The following ZNF892 variants were observed in gnomAD, a reference collection of about 807,000 sequenced individuals.
ZNF892 encodes zinc finger protein 892, also known as zinc finger protein 570-like.
At chr2:95,209,109 C>G in the ZNF892 span, among the ~76,000 whole-genome samples, 8 of 152,026 alleles carry the variant, frequency 5.3e-5, no homozygotes, top group African/African-American at 1.9e-4. Flanking sequence ...TTGGTCCAGA[C>G]AAGTCATGAA....
the ZNF892 span, among the ~76,000 whole-genome samples, chr2:95,263,208 T>C: frequency 6.6e-6 from 1 of 152,178 alleles, no homozygotes; most frequent in Non-Finnish European, 1.5e-5. Context: ...GATGCACCCA[T>C]GGCTAACAGC....
the ZNF892 span, among the ~76,000 whole-genome samples, chr2:95,260,299 C>T: frequency 6.6e-6 from 1 of 152,154 alleles, no homozygotes; most frequent in South Asian, 2.1e-4. Flanking sequence ...GACCTTCTGT[C>T]CCTTCCTGGG....
At chr2:95,263,015 A>G in the ZNF892 span, among the ~76,000 whole-genome samples, 2 of 152,226 alleles carry the variant, frequency 1.3e-5, no homozygotes, top group African/African-American at 4.8e-5. Flanking sequence ...TGCAGATGTA[A>G]TTATGGTTAC....
At chr2:95,234,198 A>G in the ZNF892 span, among the ~76,000 whole-genome samples, 1 of 152,180 alleles carries the variant, frequency 6.6e-6, no homozygotes, top group African/African-American at 2.4e-5. Context: ...AGGTGGGAGT[A>G]GGTGTCCATT....
the ZNF892 span, chr2:95,215,609 A>C: frequency 1.3e-4 from 53 of 400,120 alleles, no homozygotes; most frequent in East Asian, 1.8e-3. Flanking sequence ...GATAAAGACT[A>C]TGTAAATGTG....
chr2:95,254,480 T>C, the ZNF892 span, among the ~76,000 whole-genome samples: 1 of 152,230 alleles, frequency 6.6e-6, no homozygotes, highest in African/African-American at 2.4e-5. Flanking sequence ...GGATTCAGTT[T>C]GCCAGTATTT....
the ZNF892 span, among the ~76,000 whole-genome samples, chr2:95,207,153 G>A: frequency 6.6e-6 from 1 of 152,228 alleles, no homozygotes; most frequent in Non-Finnish European, 1.5e-5. Flanking sequence ...ACGAAGGGCC[G>A]ATGCATGGAG....
At chr2:95,211,783 C>T in the ZNF892 span, 2 of 398,200 alleles carry the variant, frequency 5.0e-6, no homozygotes, top group Admixed American at 8.8e-5. Context: ...CTCCTCAGTT[C>T]CTAGGAGCTC....
At chr2:95,240,185 G>T in the ZNF892 span, among the ~76,000 whole-genome samples, 1 of 152,072 alleles carries the variant, frequency 6.6e-6, no homozygotes, top group South Asian at 2.1e-4. Context: ...GTTAGAAGCA[G>T]CTGCGGTTTG....
At chr2:95,260,224 C>T in the ZNF892 span, among the ~76,000 whole-genome samples, 3 of 152,362 alleles carry the variant, frequency 2.0e-5, no homozygotes, top group East Asian at 3.9e-4. Flanking sequence ...TTCATTTCTG[C>T]ATCTGTACTC....
the ZNF892 span, among the ~76,000 whole-genome samples, chr2:95,245,205 A>C: frequency 6.6e-6 from 1 of 151,870 alleles, no homozygotes; most frequent in Non-Finnish European, 1.5e-5. Flanking sequence ...GGAGAAAGAG[A>C]CATGAAAAAG....
At chr2:95,213,896 C>A in the ZNF892 span, among the ~76,000 whole-genome samples, 4 of 152,102 alleles carry the variant, frequency 2.6e-5, no homozygotes, top group Non-Finnish European at 4.4e-5. Context: ...GATGGTCATT[C>A]TTGAGGCATG....
At chr2:95,229,387 A>T in the ZNF892 span, among the ~76,000 whole-genome samples, 1 of 152,104 alleles carries the variant, frequency 6.6e-6, no homozygotes, top group Non-Finnish European at 1.5e-5. Context: ...GACCCTTTTC[A>T]TTCTGCTGGA....
At chr2:95,214,153 CT>C in the ZNF892 span, among the ~76,000 whole-genome samples, 1 of 152,006 alleles carries the variant, frequency 6.6e-6, no homozygotes, top group African/African-American at 2.4e-5. Flanking sequence ...GTCCAGTCAT[CT>C]TTTTTTTCTT....
chr2:95,249,229 ATATTTT>A, the ZNF892 span, among the ~76,000 whole-genome samples: 9 of 70,618 alleles, frequency 1.3e-4, no homozygotes, highest in African/African-American at 3.0e-4. Context: ...ATATATATAT[ATATTTT>A]TTTTTTTTTT....
chr2:95,243,340 C>T, the ZNF892 span, among the ~76,000 whole-genome samples: 1 of 151,660 alleles, frequency 6.6e-6, no homozygotes, highest in South Asian at 2.1e-4. Flanking sequence ...GCCCCTCTGC[C>T]TGGCTGCCCA....
chr2:95,258,794 A>G, the ZNF892 span, among the ~76,000 whole-genome samples: 1 of 152,230 alleles, frequency 6.6e-6, no homozygotes, highest in South Asian at 2.1e-4. Flanking sequence ...CATCCTCATC[A>G]CCAGAAACTG....
At chr2:95,211,342 T>C in the ZNF892 span, among the ~76,000 whole-genome samples, 72 of 152,230 alleles carry the variant, frequency 4.7e-4, no homozygotes, top group South Asian at 2.1e-4. Flanking sequence ...TATTGATACA[T>C]AAACTAAAAA....
the ZNF892 span, among the ~76,000 whole-genome samples, chr2:95,210,257 A>G: frequency 3.3e-5 from 5 of 150,466 alleles, no homozygotes; most frequent in Non-Finnish European, 7.4e-5. Flanking sequence ...ATATGTGTAT[A>G]TATATGTGTG....
Sources: gnomAD v4.1 joint callset for allele counts (sites outside exome capture counted in the v4.1 genomes callset) on GRCh38, gnomAD v4.1.1 for gene constraint, MANE v1.5 for transcripts, NCBI Gene and HGNC (gene_info 2026-07-23, HGNC 2026-07-21) for gene names.